The following HSPA4L variants were observed in gnomAD, a reference collection of about 807,000 sequenced individuals.
HSPA4L encodes heat shock 70 kDa protein 4L.
In HSPA4L, 48 loss-of-function variants were observed where a neutral mutation model predicts 100.3. The ratio of observed to expected loss-of-function variants is 0.48; its 90% CI spans 0.38 to 0.61. HSPA4L has a LOEUF of 0.61. HSPA4L is among the 20% of genes least tolerant of loss of function. HSPA4L has a pLI of 0.00. For missense variants in HSPA4L, 886 were observed against 988.6 expected, an observed-to-expected ratio of 0.90 and a Z score of 1.39; for synonymous variants, 319 against 328.2, an observed-to-expected ratio of 0.97 and a Z score of 0.30.
chr4:127,787,576 A>C (rs1732753730), intron 1 of HSPA4L, among the ~76,000 whole-genome samples: 1 of 152,190 alleles, frequency 6.6e-6, no homozygotes, highest in African/African-American at 2.4e-5. Flanking sequence ...ATTAAAAAAT[A>C]GTTTTTAAGT....
In HSPA4L at chr4:127,800,996, A is replaced by G. The variant is rs933858142; in HGVS notation, c.430-142A>G. On this transcript the variant is annotated intron_variant, in intron 4 of 18. Coordinates refer to ENST00000296464, the MANE Select transcript of HSPA4L (RefSeq NM_014278.4). ...GTATAGAAATTGTCAAACTTAAAAAATAAAACACTAGTATTTTTCCTCTTT... is the reference window on the plus strand; with the variant it reads ...GTATAGAAATTGTCAAACTTAAAAAGTAAAACACTAGTATTTTTCCTCTTT... 2.9e-5 allele frequency: 16 copies of G among 559,238 alleles called. No homozygotes were observed. The African/African-American group carries it at 3.0e-4, about 10-fold the overall frequency. 34.6% of individuals were successfully genotyped at this position (559,238 alleles called of 1,614,324 possible).
In HSPA4L at chr4:127,795,779, C is replaced by T. The variant is rs75776460; in HGVS notation, c.177C>T (p.Asn59=). 943 of 1,613,214 alleles carry T rather than the reference C, an allele frequency of 5.8e-4. 8 individuals carry two copies. The African/African-American group carries it at 0.011, about 19-fold the overall frequency. The part of the protein sequence containing the change: ...GNAAKSQIVT[N]VRNTIHGFKK... ...TTTACTGCCAACAGATAGTCACGAA[C>T]GTAAGAAATACAATTCATGGCTTCA... is the stretch of plus-strand genomic sequence containing the variant. The change falls in exon 3 of 19, where the codon AAC becomes AAT. Residue 59 remains asparagine, a synonymous_variant. Transcript: ENST00000296464.
intron 11 of HSPA4L, 89 bp from the exon 12 acceptor site, chr4:127,811,348 A>G (rs113760591): frequency 2.9e-5 from 27 of 943,718 alleles, no homozygotes; most frequent in Middle Eastern, 2.4e-4. Context: ...TTATTTGCCA[A>G]CATCTTAAAG....
chr4:127,814,735 T>A (rs1426292854), intron 12 of HSPA4L, among the ~76,000 whole-genome samples: 1 of 152,066 alleles, frequency 6.6e-6, no homozygotes, highest in Non-Finnish European at 1.5e-5. Context: ...CCTGGCAGAT[T>A]TTTGTATTTT....
intron 4 of HSPA4L, among the ~76,000 whole-genome samples, chr4:127,800,188 C>G (rs190500495): frequency 1.2e-3 from 190 of 152,228 alleles, no homozygotes; most frequent in Admixed American, 2.1e-3. Context: ...CTGGGCATGG[C>G]GGCTTATGTC....
intron 6 of HSPA4L, among the ~76,000 whole-genome samples, chr4:127,803,035 A>AAT (rs1733237188): frequency 3.3e-5 from 5 of 151,578 alleles, no homozygotes; most frequent in Admixed American, 1.3e-4. Flanking sequence ...AATTTCTATG[A>AAT]CTCTCTTCTG....
At position 127,832,961 on chromosome 4, in the gene HSPA4L, A is replaced by T; in HGVS notation, c.*87A>T. ...CATCTGGTACACACAACAGACGCTC[A>T]GTTGTTCTTAACCACTTTTGTCATT... On this transcript the variant is annotated 3_prime_UTR_variant, in exon 19 of 19. Coordinates refer to ENST00000296464, the MANE Select transcript of HSPA4L (RefSeq NM_014278.4). 4.2e-6 allele frequency: 4 copies of T among 944,558 alleles called. No homozygotes were observed. The highest frequency in any genetic ancestry group is 6.1e-6 in the Non-Finnish European group (4 of 655,908). The allele number at this position is 944,558 out of a possible 1,614,324, so 58.5% of individuals were successfully genotyped here. A position where few individuals can be genotyped will look rare whatever the true frequency, so the allele number is the denominator to read the frequency against.
At chr4:127,823,900 T>C (rs1733879311) in intron 16 of HSPA4L, among the ~76,000 whole-genome samples, 1 of 152,188 alleles carries the variant, frequency 6.6e-6, no homozygotes, top group Non-Finnish European at 1.5e-5. Context: ...ATACAGTATA[T>C]TGTTAAGTAT....
intron 10 of HSPA4L, 105 bp downstream of exon 10, chr4:127,805,898 A>G: frequency 3.2e-6 from 2 of 629,972 alleles, no homozygotes; most frequent in South Asian, 2.4e-5. Context: ...ATTCTGCCAA[A>G]TACTTTAAAA....
rs1247970886 is a variant in HSPA4L, at chr4:127,834,239, T to C, written c.*1365T>C. 2.0e-5 allele frequency: 3 copies of C among 152,162 alleles called. No homozygotes were observed. The highest frequency in any genetic ancestry group is 2.9e-5 in the Non-Finnish European group (2 of 67,996). 9.4% of individuals were successfully genotyped at this position (152,162 alleles called of 1,614,324 possible). A position where few individuals can be genotyped will look rare whatever the true frequency, so the allele number is the denominator to read the frequency against. ...AGTATATGAGCCCTTATGTCCTTAA[T>C]GCCAATCAACTAGATTGACCTAGGT... is the stretch of plus-strand genomic sequence containing the variant. On this transcript the variant is annotated 3_prime_UTR_variant, in exon 19 of 19. Coordinates refer to ENST00000296464, the MANE Select transcript of HSPA4L (RefSeq NM_014278.4).
intron 18 of HSPA4L, among the ~76,000 whole-genome samples, chr4:127,831,501 TAAAAAAAAAA>T (rs770152039): frequency 2.9e-5 from 3 of 103,430 alleles, no homozygotes; most frequent in East Asian, 2.6e-4. Context: ...CCTTGTCTAT[TAAAAAAAAAA>T]AAAAAAAAAA....
Position 127,795,991 on chromosome 4 carries a change from C to T in HSPA4L, c.306+83C>T, listed in dbSNP as rs552203306. ...GATAATATTGCTATTTGTAGTTTGA[C>T]CTTTTTCCTCTAGATACAGTACATA... is the stretch of plus-strand genomic sequence containing the variant. On this transcript the variant is annotated intron_variant, in intron 3 of 18. Coordinates refer to ENST00000296464, the MANE Select transcript of HSPA4L (RefSeq NM_014278.4). 47 of 1,395,040 alleles carry T rather than the reference C, an allele frequency of 3.4e-5. No individual in the cohort carries two copies. The Admixed American group carries it at 4.2e-4, about 12-fold the overall frequency. 86.4% of individuals were successfully genotyped at this position (1,395,040 alleles called of 1,614,324 possible).
At chr4:127,798,509 CAT>C in intron 3 of HSPA4L, 76 bp from the exon 4 acceptor site, 1 of 1,386,964 alleles carries the variant, frequency 7.2e-7, no homozygotes, top group South Asian at 1.2e-5. Flanking sequence ...ATGTCTATCA[CAT>C]ATACAGTAGG....
intron 1 of HSPA4L, among the ~76,000 whole-genome samples, chr4:127,785,963 T>C (rs1732705450): frequency 6.6e-6 from 1 of 152,238 alleles, no homozygotes; most frequent in African/African-American, 2.4e-5. Context: ...GCCTGGTACA[T>C]GTCTGCATTG....
chr4:127,829,475 C>G (rs1734026436), intron 17 of HSPA4L, among the ~76,000 whole-genome samples: 1 of 151,664 alleles, frequency 6.6e-6, no homozygotes, highest in Non-Finnish European at 1.5e-5. Flanking sequence ...GAGGCTTGAA[C>G]CCAGATGGTA....
At position 127,837,437 on chromosome 4, in the gene HSPA4L, T is replaced by A. The variant is rs528446090; in HGVS notation, c.*4563T>A. Reference sequence around the variant, plus strand: ...TTAAATAGCCCTTGATGACTTTTCATGTGGCATGAGAGGGATATGCTTATA... The same window carrying A: ...TTAAATAGCCCTTGATGACTTTTCAAGTGGCATGAGAGGGATATGCTTATA... On this transcript the variant is annotated 3_prime_UTR_variant, in exon 19 of 19. Transcript: ENST00000296464. 6.6e-6 allele frequency: 1 copy of A among 152,352 alleles called. No individual in the cohort carries two copies. The highest frequency in any genetic ancestry group is 2.1e-4 in the South Asian group (1 of 4,832). The allele number at this position is 152,352 out of a possible 1,614,324, so 9.4% of individuals were successfully genotyped here.
chr4:127,826,672 A>G (rs1733958284), intron 16 of HSPA4L, among the ~76,000 whole-genome samples: 1 of 152,112 alleles, frequency 6.6e-6, no homozygotes, highest in Admixed American at 6.5e-5. Flanking sequence ...TAAATCTAAA[A>G]CTGTTCTAAA....
rs1053353962 is a variant in HSPA4L at position 127,798,571 on chromosome 4, C to CA, written c.307-14dup. On this transcript the variant is annotated splice_polypyrimidine_tract_variant and intron_variant, in intron 3 of 18. Coordinates refer to ENST00000296464, the MANE Select transcript of HSPA4L (RefSeq NM_014278.4). Reference sequence around the variant, plus strand: ...AACAAATGACTCTTAATAAATATCCCAACTTTTGGTGTTAGGTGCGGTACT... The same window carrying CA: ...AACAAATGACTCTTAATAAATATCCCAAACTTTTGGTGTTAGGTGCGGTACT... 2 of 1,611,214 alleles carry CA rather than the reference C, an allele frequency of 1.2e-6. No individual in the cohort carries two copies. The highest frequency in any genetic ancestry group is 2.7e-5 in the African/African-American group (2 of 74,756).
At position 127,834,203 on chromosome 4, in the gene HSPA4L, A is replaced by C. The variant is rs1185590390; in HGVS notation, c.*1329A>C. The stretch of plus-strand genomic sequence containing the variant: ...TGGTGTTTCAACCTGCAAGAGACAG[A>C]AGCATAGACAAGTATATGAGCCCTT... On this transcript the variant is annotated 3_prime_UTR_variant, in exon 19 of 19. Coordinates refer to ENST00000296464, the MANE Select transcript of HSPA4L (RefSeq NM_014278.4). 1 of 150,706 alleles carries C rather than the reference A, an allele frequency of 6.6e-6. No homozygotes were observed. The highest frequency in any genetic ancestry group is 6.6e-5 in the Admixed American group (1 of 15,212). The allele number at this position is 150,706 out of a possible 1,614,324, so 9.3% of individuals were successfully genotyped here.
Sources: allele counts gnomAD v4.1 joint callset (sites outside exome capture counted in the v4.1 genomes callset), GRCh38; gene constraint gnomAD v4.1.1; transcripts MANE v1.5; gene names NCBI Gene and HGNC (gene_info 2026-07-23, HGNC 2026-07-21).